SKI: variants seen among roughly 807,000 people sequenced by gnomAD.
SKI encodes ski oncogene.
Under a neutral mutation model 59.3 loss-of-function variants are expected in SKI, and 23 were observed. That is an observed-to-expected ratio of 0.39 (90% CI 0.28 to 0.55). The LOEUF is 0.55. Among genes scored for constraint, SKI ranks in the 20% least tolerant of loss-of-function variants. The pLI is 0.67. For missense variants in SKI, 1,017 were observed against 1,038.9 expected (o/e 0.98, Z 0.29); for synonymous variants, 673 against 488.6 (o/e 1.38, Z -4.98).
At chr1:2,231,941 A>G (rs1214573188) in intron 1 of SKI, among the ~76,000 whole-genome samples, 4 of 152,140 alleles carry the variant, frequency 2.6e-5, no homozygotes. Flanking sequence ...TCTGGGCTTC[A>G]GGGTCCCCTT....
chr1:2,305,602 C>T (rs763829702), intron 5 of SKI, among the ~76,000 whole-genome samples: 21 of 152,180 alleles, frequency 1.4e-4, no homozygotes, highest in African/African-American at 4.8e-4. Flanking sequence ...GCGGAGGCGC[C>T]GGGCGGATGG....
chr1:2,295,905 G>C (rs926785246), intron 1 of SKI, among the ~76,000 whole-genome samples: 1 of 152,216 alleles, frequency 6.6e-6, no homozygotes, highest in East Asian at 1.9e-4. Flanking sequence ...ACAAGCTGTC[G>C]TGTGGATGTG....
rs557209174 is a variant in SKI, at chr1:2,238,788, C to A, written c.969+9053C>A. ...CACCGAGTGAGAGCTGTGTGCAGAA[C>A]CTCCGCTGTCAGCGGGCCAGGCCAC... On this transcript the variant is annotated intron_variant, in intron 1 of 6. Coordinates refer to ENST00000378536, the MANE Select transcript of SKI (RefSeq NM_003036.4). Among the ~76,000 whole-genome samples, 3 of 152,372 alleles carry A rather than the reference C, an allele frequency of 2.0e-5. No homozygotes were observed. In the South Asian group the frequency reaches 6.2e-4, roughly 32 times the overall value.
At chr1:2,277,252 C>T (rs1458428997) in intron 1 of SKI, among the ~76,000 whole-genome samples, 1 of 152,134 alleles carries the variant, frequency 6.6e-6, no homozygotes, top group Non-Finnish European at 1.5e-5. Context: ...TGCTACCATG[C>T]CCAGCTAATT....
intron 1 of SKI, among the ~76,000 whole-genome samples, chr1:2,251,148 C>T (rs541763526): frequency 1.1e-3 from 172 of 152,304 alleles, no homozygotes; most frequent in Non-Finnish European, 1.9e-3. Context: ...TTTCTCCTCC[C>T]GCCTGCCTTC....
rs2100917841 is a variant in SKI at position 2,303,677 on chromosome 1, A to G, written c.1212-163A>G. On this transcript the variant is annotated intron_variant, in intron 3 of 6. Coordinates refer to ENST00000378536, the MANE Select transcript of SKI (RefSeq NM_003036.4). This position sits in a 1 kb window ranked among gnomAD's most constrained non-coding sequence, Gnocchi z 5.6. ...GGCCTTCGCAAGAGACCCAGCAAGC[A>G]GAAAACGCTTACGGGTTCTTAGGGA... The G allele has an allele frequency of 3.0e-6, 3 of 1,000,360 alleles. No homozygotes were observed. The South Asian group carries it at 4.6e-5, about 15-fold the overall frequency. 62.0% of individuals were successfully genotyped at this position (1,000,360 alleles called of 1,614,324 possible). A position where few individuals can be genotyped will look rare whatever the true frequency, so the allele number is the denominator to read the frequency against.
intron 1 of SKI, among the ~76,000 whole-genome samples, chr1:2,284,702 C>A (rs1379832004): frequency 6.6e-6 from 1 of 152,156 alleles, no homozygotes; most frequent in Admixed American, 6.5e-5. Flanking sequence ...ATGAGCCCTC[C>A]CTGGCCCCTG....
chr1:2,282,462 C>A (rs59328202), intron 1 of SKI, among the ~76,000 whole-genome samples: 1 of 64,654 alleles, frequency 1.5e-5, no homozygotes, highest in African/African-American at 5.5e-5. Flanking sequence ...AGAGAGAGGA[C>A]GCCTGAGAAG....
Position 2,306,654 on chromosome 1 carries a change from C to A in SKI, c.2076C>A (p.Arg692=). The A allele has an allele frequency of 6.5e-7, 1 of 1,544,788 alleles. No homozygotes were observed. The highest frequency in any genetic ancestry group is 8.7e-7 in the Non-Finnish European group (1 of 1,145,238). Residue 692 remains arginine, a synonymous_variant, in exon 7 of 7, where the codon CGC becomes CGA. Coordinates refer to ENST00000378536, the MANE Select transcript of SKI (RefSeq NM_003036.4). Reference sequence around the variant, plus strand: ...TGCGGGCCGACCTGCTGCGGGAGCGCGAGGCCCGGGAGCACCTGGAGAAGG... The same window carrying A: ...TGCGGGCCGACCTGCTGCGGGAGCGAGAGGCCCGGGAGCACCTGGAGAAGG... The part of the protein sequence containing the change: ...EQLRADLLRE[R]EAREHLEKVV...
Position 2,251,411 on chromosome 1 carries a change from C to T in SKI, c.969+21676C>T, listed in dbSNP as rs554508412. ...TACTGGGATTACAGGTGTGAACCCC[C>T]GCTCCCTCCCCCTGCCCCAGCCCCT... On this transcript the variant is annotated intron_variant, in intron 1 of 6. Transcript: ENST00000378536. Among the ~76,000 whole-genome samples, 14 of 152,286 alleles carry T rather than the reference C, an allele frequency of 9.2e-5. No homozygotes were observed. The East Asian group carries it at 1.4e-3, about 15-fold the overall frequency.
intron 1 of SKI, among the ~76,000 whole-genome samples, chr1:2,247,509 C>CA (rs1294589096): frequency 2.0e-5 from 3 of 152,240 alleles, no homozygotes; most frequent in Non-Finnish European, 4.4e-5. Flanking sequence ...AGAAGCCTGT[C>CA]ACGTTCCTCC....
At chr1:2,239,480 C>T (rs947138000) in intron 1 of SKI, among the ~76,000 whole-genome samples, 1 of 152,182 alleles carries the variant, frequency 6.6e-6, no homozygotes, top group African/African-American at 2.4e-5. Flanking sequence ...GTTGGGGGAA[C>T]GGGAGAACCT....
rs968117294 is a variant in SKI, at chr1:2,229,411, G to A, written c.645G>A (p.Glu215=). The A allele has an allele frequency of 6.2e-7, 1 of 1,609,982 alleles. No homozygotes were observed. Among genetic ancestry groups the A allele is most frequent in the East Asian group, 2.2e-5 (1 of 44,760 alleles). The change falls in exon 1 of 7, where the codon GAG becomes GAA. Residue 215 remains glutamate, a synonymous_variant. Transcript: ENST00000378536. The surrounding 1 kb of genome is among the most constrained non-coding windows in gnomAD (Gnocchi z 6.3). The part of the protein sequence containing the change: ...ASLALGLELS[E]RSVRVYHECF... ...TGGCGCTGGGCCTGGAGCTCAGCGA[G>A]CGCAGCGTCCGCGTGTACCACGAGT...
intron 5 of SKI, among the ~76,000 whole-genome samples, chr1:2,305,134 G>GAC (rs146052894): frequency 2.6e-5 from 4 of 152,148 alleles, no homozygotes; most frequent in African/African-American, 4.8e-5. Flanking sequence ...GGCCCGCACA[G>GAC]ACACACACAC....
rs535077783 is a variant in SKI at position 2,287,494 on chromosome 1, G to A, written c.970-15484G>A. 2.0e-4 allele frequency among the ~76,000 whole-genome samples: 31 copies of A among 151,974 alleles called. No individual in the cohort carries two copies. In the South Asian group the frequency reaches 2.7e-3, roughly 13 times the overall value. ...TGGGACTACAGGTGCCCGCCACCAC[G>A]CCCAGCTAATTTTTTGTATTTTTAG... On this transcript the variant is annotated intron_variant, in intron 1 of 6. Transcript: ENST00000378536.
At chr1:2,298,001 G>A (rs890804669) in intron 1 of SKI, among the ~76,000 whole-genome samples, 13 of 152,178 alleles carry the variant, frequency 8.5e-5, no homozygotes, top group African/African-American at 7.2e-5. Flanking sequence ...CCATCCCCCC[G>A]CACCAGAGTG....
At chr1:2,276,103 G>T (rs1639737020) in intron 1 of SKI, among the ~76,000 whole-genome samples, 1 of 152,242 alleles carries the variant, frequency 6.6e-6, no homozygotes, top group South Asian at 2.1e-4. Flanking sequence ...CCGATAGGGA[G>T]AAGACGTGAG....
At position 2,285,284 on chromosome 1, in the gene SKI, G is replaced by A. The variant is rs535311015; in HGVS notation, c.970-17694G>A. Reference sequence around the variant, plus strand: ...TCCCAGCACTTTGGGAGGCCGAGGCGGCTGGATCACCTGAGGTCAGGAGTT... The same window carrying A: ...TCCCAGCACTTTGGGAGGCCGAGGCAGCTGGATCACCTGAGGTCAGGAGTT... On this transcript the variant is annotated intron_variant, in intron 1 of 6. Coordinates refer to ENST00000378536, the MANE Select transcript of SKI (RefSeq NM_003036.4). 4.6e-4 allele frequency among the ~76,000 whole-genome samples: 70 copies of A among 152,186 alleles called. No individual in the cohort carries two copies. The South Asian group carries it at 4.8e-3, about 10-fold the overall frequency.
At chr1:2,245,046 A>G (rs1638962651) in intron 1 of SKI, among the ~76,000 whole-genome samples, 1 of 151,936 alleles carries the variant, frequency 6.6e-6, no homozygotes, top group Non-Finnish European at 1.5e-5. Context: ...CTGTTCACCC[A>G]CCTTCCCAGG....
Sources: allele counts gnomAD v4.1 joint callset (sites outside exome capture counted in the v4.1 genomes callset), GRCh38; gene constraint gnomAD v4.1.1; non-coding constraint Gnocchi (gnomAD v3.1); transcripts MANE v1.5; gene names NCBI Gene and HGNC (gene_info 2026-07-23, HGNC 2026-07-21).